Variants in SCML2 observed in about 807,000 individuals in gnomAD.
SCML2 encodes Scm polycomb group protein like 2, also known as sex comb on midleg-like protein 2.
Under a neutral mutation model 48.4 loss-of-function variants are expected in SCML2, and 6 were observed. The ratio of observed to expected loss-of-function variants is 0.12; its 90% CI spans 0.07 to 0.24. SCML2 has a LOEUF of 0.24. Among genes scored for constraint, SCML2 ranks in the 10% least tolerant of loss-of-function variants. The probability of loss-of-function intolerance (pLI) is 1.00; values close to 1 mark genes in which losing one functional copy is unlikely to be tolerated. For synonymous variants in SCML2, 181 were observed against 189.5 expected (o/e 0.95, Z 0.37); for missense variants, 377 against 528.2 (o/e 0.71, Z 2.81).
intron 1 of SCML2, 146 bp downstream of exon 1, chrX:18,354,446 A>G (rs1288877599): frequency 1.8e-3 from 404 of 224,199 alleles, no homozygotes; most frequent in Non-Finnish European, 2.9e-3. Flanking sequence ...CCGAACTGAG[A>G]TGGGACATAG....
chrX:18,334,112 C>T lies in SCML2; in HGVS notation c.-24-17G>A. On this transcript the variant is annotated splice_polypyrimidine_tract_variant and intron_variant, in intron 1 of 14. Transcript: ENST00000251900. Reference sequence around the variant, plus strand: ...TGTTGTTTCCTACAAGGAGAAAAACCAATTAATGCCTCCTTTTAGCATATT... The same window carrying T: ...TGTTGTTTCCTACAAGGAGAAAAACTAATTAATGCCTCCTTTTAGCATATT... 1 of 1,076,080 alleles carries T rather than the reference C, an allele frequency of 9.3e-7. No individual in the cohort carries two copies. The highest frequency in any genetic ancestry group is 1.3e-6 in the Non-Finnish European group (1 of 784,035). 88.7% of individuals were successfully genotyped at this position (1,076,080 alleles called of 1,213,427 possible). A position where few individuals can be genotyped will look rare whatever the true frequency, so the allele number is the denominator to read the frequency against.
chrX:18,307,061 T>C (rs950430849), intron 6 of SCML2, among the ~76,000 whole-genome samples: 7 of 111,157 alleles, frequency 6.3e-5, no homozygotes, highest in East Asian at 2.8e-4. Flanking sequence ...GGCAGGTGGA[T>C]TGCTTGAGCT....
chrX:18,256,329 G>C (rs1159314911), intron 11 of SCML2, among the ~76,000 whole-genome samples: 1 of 111,069 alleles, frequency 9.0e-6, no homozygotes, highest in Non-Finnish European at 1.9e-5. Flanking sequence ...GTGGGCGCCT[G>C]TAATCCCAGC....
At chrX:18,313,537 A>G (rs149070827) in intron 6 of SCML2, among the ~76,000 whole-genome samples, 4,176 of 111,421 alleles carry the variant, frequency 0.037, 212 homozygotes, top group African/African-American at 0.13. Context: ...GCATGAAAAC[A>G]GACTAATACA....
intron 7 of SCML2, among the ~76,000 whole-genome samples, chrX:18,277,219 C>T (rs1927677255): frequency 9.0e-6 from 1 of 110,950 alleles, no homozygotes; most frequent in Non-Finnish European, 1.9e-5. Flanking sequence ...TACAGGCATG[C>T]ACCACCACAC....
At chrX:18,278,876 A>G (rs1927733091) in intron 7 of SCML2, among the ~76,000 whole-genome samples, 2 of 112,790 alleles carry the variant, frequency 1.8e-5, no homozygotes, top group African/African-American at 6.4e-5. Context: ...CTGCCACTCG[A>G]GGAGAGGAGG....
At chrX:18,325,085 A>AC in intron 3 of SCML2, 108 bp from the exon 4 acceptor site, 10 of 386,596 alleles carry the variant, frequency 2.6e-5, no homozygotes, top group East Asian at 8.7e-5. Flanking sequence ...GCCTCTTAAA[A>AC]GAAAAAAAAA....
intron 7 of SCML2, among the ~76,000 whole-genome samples, chrX:18,294,857 G>A (rs776252841): frequency 9.0e-6 from 1 of 111,055 alleles, no homozygotes; most frequent in African/African-American, 3.3e-5. Flanking sequence ...ACCTACCTGG[G>A]AGGACTACTA....
intron 1 of SCML2, among the ~76,000 whole-genome samples, chrX:18,344,513 T>C (rs145975580): frequency 0.026 from 2,928 of 111,999 alleles, 57 homozygotes; most frequent in Non-Finnish European, 0.04. Flanking sequence ...GTAGCTCTCA[T>C]AATTCCCTCA....
intron 11 of SCML2, among the ~76,000 whole-genome samples, chrX:18,253,366 C>T (rs780794162): frequency 1.1e-3 from 123 of 110,896 alleles, no homozygotes; most frequent in Non-Finnish European, 2.0e-3. Flanking sequence ...GTCCCATATA[C>T]AAAAAAATAG....
intron 6 of SCML2, among the ~76,000 whole-genome samples, chrX:18,317,420 T>C (rs1313440249): frequency 8.9e-6 from 1 of 111,862 alleles, no homozygotes; most frequent in Non-Finnish European, 1.9e-5. Context: ...AGCTAAAATA[T>C]ATATGAAATG....
chrX:18,264,661 T>G (rs1366651438), intron 8 of SCML2, among the ~76,000 whole-genome samples: 1 of 111,968 alleles, frequency 8.9e-6, no homozygotes, highest in Non-Finnish European at 1.9e-5. Context: ...AAATATTAAT[T>G]TGTGCAGATT....
rs1926209239 is a variant in SCML2, at chrX:18,240,019, T to G, written c.*1232A>C. On this transcript the variant is annotated 3_prime_UTR_variant, in exon 15 of 15. Transcript: ENST00000251900. The stretch of plus-strand genomic sequence containing the variant: ...ATAAAATAAAGCCCCAAACAATAAG[T>G]CAGAACTAATATATCTTTCAAAGTG... 8.9e-6 allele frequency: 1 copy of G among 111,901 alleles called. No homozygotes were observed. Among genetic ancestry groups the G allele is most frequent in the South Asian group, 3.7e-4 (1 of 2,689 alleles). The allele number at this position is 111,901 out of a possible 1,213,427, so 9.2% of individuals were successfully genotyped here. A position where few individuals can be genotyped will look rare whatever the true frequency, so the allele number is the denominator to read the frequency against.
At chrX:18,329,834 T>C (rs1347509108) in intron 3 of SCML2, among the ~76,000 whole-genome samples, 4 of 112,173 alleles carry the variant, frequency 3.6e-5, no homozygotes, top group Non-Finnish European at 7.5e-5. Flanking sequence ...TCCCAGCATT[T>C]TGGGAGGTTG....
chrX:18,279,931 G>A (rs1927772415), intron 7 of SCML2, among the ~76,000 whole-genome samples: 1 of 111,697 alleles, frequency 9.0e-6, no homozygotes, highest in Admixed American at 9.6e-5. Context: ...TAAGCAACTT[G>A]GAAAATATAT....
At chrX:18,337,438 TC>T (rs1190849688) in intron 1 of SCML2, among the ~76,000 whole-genome samples, 1 of 84,048 alleles carries the variant, frequency 1.2e-5, no homozygotes, top group Non-Finnish European at 2.3e-5. Context: ...CTAATACTAA[TC>T]AAAAAAAAGC....
chrX:18,257,613 T>G (rs1926895160), intron 10 of SCML2, among the ~76,000 whole-genome samples: 1 of 110,166 alleles, frequency 9.1e-6, no homozygotes, highest in South Asian at 4.0e-4. Flanking sequence ...ACAGGCTAGG[T>G]GCGGTGGCTC....
intron 11 of SCML2, among the ~76,000 whole-genome samples, chrX:18,248,608 G>A (rs1287407561): frequency 8.9e-6 from 1 of 112,121 alleles, no homozygotes; most frequent in African/African-American, 3.2e-5. Flanking sequence ...ATCTTATGAT[G>A]AGCAACCTTT....
intron 1 of SCML2, among the ~76,000 whole-genome samples, chrX:18,342,035 T>C (rs73636680): frequency 0.011 from 1,195 of 111,952 alleles, 20 homozygotes; most frequent in African/African-American, 0.037. Flanking sequence ...CAGCTCTTTC[T>C]GGGAAAAATT....
Sources: allele counts gnomAD v4.1 joint callset (sites outside exome capture counted in the v4.1 genomes callset), GRCh38; gene constraint gnomAD v4.1.1; transcripts MANE v1.5; gene names NCBI Gene and HGNC (gene_info 2026-07-23, HGNC 2026-07-21).